Variants in PRKAR1A observed in about 807,000 individuals in gnomAD.
PRKAR1A encodes protein kinase cAMP-dependent type I regulatory subunit alpha.
Under a neutral mutation model 52.0 loss-of-function variants are expected in PRKAR1A, and 3 were observed. The ratio of observed to expected loss-of-function variants is 0.06; its 90% CI spans 0.03 to 0.15. The LOEUF (loss-of-function observed/expected upper bound fraction) is 0.15, where lower values mean the gene tolerates loss of function less well. Ranked by LOEUF, PRKAR1A falls within the 10% of genes least tolerant of loss-of-function variation. The pLI, the probability that PRKAR1A is intolerant of heterozygous loss-of-function variation, is 1.00. For missense variants in PRKAR1A, 240 were observed against 477.4 expected, an observed-to-expected ratio of 0.50 and a Z score of 4.63; for synonymous variants, 188 against 168.4, an observed-to-expected ratio of 1.12 and a Z score of -0.90.
the PRKAR1A span, among the ~76,000 whole-genome samples, chr17:68,479,667 TA>T: frequency 6.6e-6 from 1 of 152,244 alleles, no homozygotes; most frequent in African/African-American, 2.4e-5. Flanking sequence ...ACACATTTTC[TA>T]TTTTTCTGCA....
downstream of PRKAR1A, chr17:68,537,308 TA>T (rs770857622): frequency 5.8e-6 from 5 of 864,624 alleles, no homozygotes; most frequent in Non-Finnish European, 9.4e-6. The surrounding 1 kb of genome is among the most constrained non-coding windows in gnomAD (Gnocchi z 4.2). Context: ...CACCAAGGAG[TA>T]AAGATTCAGT....
At chr17:68,450,657 A>G in the PRKAR1A span, 261 of 1,523,708 alleles carry the variant, frequency 1.7e-4, no homozygotes, top group Non-Finnish European at 2.3e-4. Context: ...ATTGATCTTG[A>G]AAGATGTCCA....
chr17:68,489,186 GTATATATATATATATATATATATA>G, the PRKAR1A span, among the ~76,000 whole-genome samples: 398 of 11,016 alleles, frequency 0.036, 27 homozygotes, highest in East Asian at 0.058. Context: ...ATCTTGGAAA[GTATATATATATATATATATATATA>G]TATATATATA....
chr17:68,448,577 A>G, the PRKAR1A span: 1 of 152,194 alleles, frequency 6.6e-6, no homozygotes, highest in East Asian at 1.9e-4. Flanking sequence ...ACACTCAAAT[A>G]GGCCTTCCTT....
At chr17:68,543,359 A>G (rs2086396880) in intron 11 of PRKAR1A, among the ~76,000 whole-genome samples, 1 of 152,152 alleles carries the variant, frequency 6.6e-6, no homozygotes, top group Non-Finnish European at 1.5e-5. Context: ...AGATCAGGAA[A>G]CTAGAGCAAC....
chr17:68,539,212 C>G, intron 11 of PRKAR1A: 2 of 836,052 alleles, frequency 2.4e-6, no homozygotes, highest in Non-Finnish European at 4.1e-6. Flanking sequence ...TAAGGTGATT[C>G]ATGTCATTCT....
At chr17:68,519,412 A>G (rs2085533726) in intron 2 of PRKAR1A, among the ~76,000 whole-genome samples, 1 of 152,158 alleles carries the variant, frequency 6.6e-6, no homozygotes, top group African/African-American at 2.4e-5. Flanking sequence ...CAAAAGGGGG[A>G]AAAGCCCCTC....
chr17:68,421,918 G>A, the PRKAR1A span: 27 of 1,498,964 alleles, frequency 1.8e-5, no homozygotes, highest in Non-Finnish European at 2.5e-5. Context: ...AGTGAGCAGG[G>A]AGAGGCTGGG....
chr17:68,531,013 A>G lies in PRKAR1A; in HGVS notation c.*564A>G. ...CATTTTTGCTAATTATCAATGGGAT[A>G]TGATTGGTTCAGTTTTTTTTTTTCC... On this transcript the variant is annotated 3_prime_UTR_variant, in exon 11 of 11. Coordinates refer to ENST00000589228, the MANE Select transcript of PRKAR1A (RefSeq NM_002734.5). The G allele has an allele frequency of 2.8e-6, 3 of 1,069,424 alleles. No homozygotes were observed. Among genetic ancestry groups the G allele is most frequent in the African/African-American group, 1.7e-5 (1 of 59,992 alleles). 66.2% of individuals were successfully genotyped at this position (1,069,424 alleles called of 1,614,324 possible). A position where few individuals can be genotyped will look rare whatever the true frequency, so the allele number is the denominator to read the frequency against.
rs2085943288 is a variant in PRKAR1A, at chr17:68,530,466, C to T, written c.*17C>T. ...TCTGTCTGAAATCTGCCTCCTGTGCCTCCCTTTTCTCCTCTCCCCAATCCA... is the reference window on the plus strand; with the variant it reads ...TCTGTCTGAAATCTGCCTCCTGTGCTTCCCTTTTCTCCTCTCCCCAATCCA... On this transcript the variant is annotated 3_prime_UTR_variant, in exon 11 of 11. Coordinates refer to ENST00000589228, the MANE Select transcript of PRKAR1A (RefSeq NM_002734.5). The T allele has an allele frequency of 6.2e-7, 1 of 1,613,844 alleles. No homozygotes were observed.
At chr17:68,463,871 A>G in the PRKAR1A span, among the ~76,000 whole-genome samples, 2 of 152,346 alleles carry the variant, frequency 1.3e-5, no homozygotes, top group South Asian at 4.1e-4. Context: ...AGCTGTGTTG[A>G]AAAGAAATTG....
At chr17:68,473,323 G>T in the PRKAR1A span, among the ~76,000 whole-genome samples, 1 of 151,974 alleles carries the variant, frequency 6.6e-6, no homozygotes, top group Non-Finnish European at 1.5e-5. Context: ...GGGAGGATCA[G>T]TTGAGCCCAG....
the PRKAR1A span, among the ~76,000 whole-genome samples, chr17:68,485,572 G>A: frequency 1.1e-3 from 167 of 152,158 alleles, 1 homozygote; most frequent in African/African-American, 3.9e-3. Context: ...GATAATGCCC[G>A]CACCACAGAA....
the PRKAR1A span, among the ~76,000 whole-genome samples, chr17:68,475,092 T>C: frequency 0.028 from 4,221 of 152,266 alleles, 176 homozygotes; most frequent in African/African-American, 0.095. Flanking sequence ...AGGGAAAATA[T>C]AACCCTCTCA....
Position 68,532,230 on chromosome 17 carries a change from C to T in PRKAR1A, c.*1781C>T, listed in dbSNP as rs549633966. 2.9e-6 allele frequency: 3 copies of T among 1,034,620 alleles called. No homozygotes were observed. The East Asian group carries it at 1.5e-4, about 53-fold the overall frequency. The allele number at this position is 1,034,620 out of a possible 1,614,324, so 64.1% of individuals were successfully genotyped here. ...AAAAATTAAAAATGAAAATTACGTT[C>T]TTACAAGCTTAAAGCTTGATTTGAT... On this transcript the variant is annotated 3_prime_UTR_variant, in exon 11 of 11. Transcript: ENST00000589228.
chr17:68,498,573 C>T, the PRKAR1A span, among the ~76,000 whole-genome samples: 1 of 152,152 alleles, frequency 6.6e-6, no homozygotes, highest in Admixed American at 6.6e-5. Flanking sequence ...GGTGGGTGCT[C>T]CTGCCTTTGA....
chr17:68,441,744 C>T, the PRKAR1A span, among the ~76,000 whole-genome samples: 9 of 152,164 alleles, frequency 5.9e-5, no homozygotes, highest in Non-Finnish European at 1.3e-4. Flanking sequence ...CTCTCCGTGG[C>T]AACTCTGGGG....
the PRKAR1A span, among the ~76,000 whole-genome samples, chr17:68,433,790 T>TTTTTTTG: frequency 1.4e-5 from 1 of 73,112 alleles, no homozygotes; most frequent in African/African-American, 5.1e-5. Flanking sequence ...TTTTTTTTTT[T>TTTTTTTG]TTTTTTTTGA....
At chr17:68,535,071 C>G (rs1183729991), downstream of PRKAR1A, 1 of 358,826 alleles carries the variant, frequency 2.8e-6, no homozygotes, top group Non-Finnish European at 5.4e-6. Flanking sequence ...CAGTACAGTT[C>G]CCGTTCATTT....
Sources: allele counts gnomAD v4.1 joint callset (sites outside exome capture counted in the v4.1 genomes callset), GRCh38; gene constraint gnomAD v4.1.1; non-coding constraint Gnocchi (gnomAD v3.1); transcripts MANE v1.5; gene names NCBI Gene and HGNC (gene_info 2026-07-23, HGNC 2026-07-21).